The following ZDHHC20 variants were observed in gnomAD, a reference collection of about 807,000 sequenced individuals.
ZDHHC20 encodes the protein zDHHC palmitoyltransferase 20.
Under a neutral mutation model 57.8 loss-of-function variants are expected in ZDHHC20, and 43 were observed. The ratio of observed to expected loss-of-function variants is 0.74; its 90% CI spans 0.58 to 0.96. The LOEUF is 0.96. Ranked by LOEUF, ZDHHC20 falls within the 40% of genes least tolerant of loss-of-function variation. The pLI is 0.00. For synonymous variants in ZDHHC20, 157 were observed against 153.0 expected, an observed-to-expected ratio of 1.03 and a Z score of -0.19; for missense variants, 391 against 441.1, an observed-to-expected ratio of 0.89 and a Z score of 1.02.
rs942686260 is a variant in ZDHHC20, at chr13:21,372,733, A to G, written c.*3963T>C. ...AGGCTAGGATTATACAAATAAGAAC[A>G]AACACAAGGCTTATGGTACTTGTTA... On this transcript the variant is annotated 3_prime_UTR_variant, in exon 13 of 13. Coordinates refer to ENST00000400590, the MANE Select transcript of ZDHHC20 (RefSeq NM_001330059.2). 5 of 152,246 alleles carry G rather than the reference A, an allele frequency of 3.3e-5. No individual in the cohort carries two copies. The highest frequency in any genetic ancestry group is 4.4e-5 in the Non-Finnish European group (3 of 68,022). 9.4% of individuals were successfully genotyped at this position (152,246 alleles called of 1,614,324 possible). A position where few individuals can be genotyped will look rare whatever the true frequency, so the allele number is the denominator to read the frequency against.
chr13:21,441,559 T>C (rs1883171252), intron 1 of ZDHHC20, among the ~76,000 whole-genome samples: 1 of 130,084 alleles, frequency 7.7e-6, no homozygotes, highest in African/African-American at 2.8e-5. Context: ...CTTTTTTTTT[T>C]TTTTTTTTTT....
chr13:21,381,627 T>A lies in ZDHHC20; in HGVS notation c.945-78A>T, dbSNP rs147036900. On this transcript the variant is annotated intron_variant, in intron 10 of 12. Coordinates refer to ENST00000400590, the MANE Select transcript of ZDHHC20 (RefSeq NM_001330059.2). ...ACTTAATAAATTAATAAGCAGCAAA[T>A]TAGTATTCCTTCTCCTAAATATGTG... 110 of 941,496 alleles carry A rather than the reference T, an allele frequency of 1.2e-4. No individual in the cohort carries two copies. The East Asian group carries it at 2.8e-3, about 24-fold the overall frequency. The allele number at this position is 941,496 out of a possible 1,614,324, so 58.3% of individuals were successfully genotyped here. A position where few individuals can be genotyped will look rare whatever the true frequency, so the allele number is the denominator to read the frequency against.
At chr13:21,419,885 G>T (rs1472014352) in intron 3 of ZDHHC20, among the ~76,000 whole-genome samples, 1 of 152,170 alleles carries the variant, frequency 6.6e-6, no homozygotes, top group Non-Finnish European at 1.5e-5. Context: ...TAAACATATG[G>T]TCTATAATTT....
chr13:21,413,871 ATTT>A, intron 3 of ZDHHC20, 99 bp from the exon 4 acceptor site: 1 of 1,024,860 alleles, frequency 9.8e-7, no homozygotes, highest in Non-Finnish European at 1.4e-6. Context: ...ACCAAAAACT[ATTT>A]TATGAAGACA....
intron 1 of ZDHHC20, among the ~76,000 whole-genome samples, chr13:21,426,607 C>CTT (rs778269073): frequency 0.26 from 34,941 of 135,156 alleles, 4,995 homozygotes; most frequent in South Asian, 0.32. Flanking sequence ...TTCTCCTTTT[C>CTT]TTTTTTTTTT....
intron 1 of ZDHHC20, among the ~76,000 whole-genome samples, chr13:21,433,197 G>A (rs987692219): frequency 2.0e-5 from 3 of 152,150 alleles, no homozygotes; most frequent in East Asian, 3.8e-4. Context: ...CTGGGCTCAA[G>A]CAGTCTGTCT....
intron 5 of ZDHHC20, among the ~76,000 whole-genome samples, chr13:21,401,900 A>C (rs564413780): frequency 1.0e-3 from 159 of 152,326 alleles, no homozygotes; most frequent in Non-Finnish European, 2.1e-3. Context: ...AGCTGAACAT[A>C]TTCAGCTGCC....
Position 21,372,609 on chromosome 13 carries a change from T to C in ZDHHC20, c.*4087A>G, listed in dbSNP as rs1422254370. The C allele has an allele frequency of 6.6e-6, 1 of 152,170 alleles. No homozygotes were observed. Among genetic ancestry groups the C allele is most frequent in the African/African-American group, 2.4e-5 (1 of 41,442 alleles). 9.4% of individuals were successfully genotyped at this position (152,170 alleles called of 1,614,324 possible). A position where few individuals can be genotyped will look rare whatever the true frequency, so the allele number is the denominator to read the frequency against. ...CTTTGTTTATTAATAAAGTAATTCA[T>C]TATGACTTTTGAAAAAAAAAGTTTT... On this transcript the variant is annotated 3_prime_UTR_variant, in exon 13 of 13. Transcript: ENST00000400590.
chr13:21,434,393 T>C (rs1191885656), intron 1 of ZDHHC20, among the ~76,000 whole-genome samples: 7 of 152,214 alleles, frequency 4.6e-5, no homozygotes, highest in Non-Finnish European at 1.5e-5. Context: ...TCATATATTC[T>C]CTCTCCATTC....
chr13:21,379,368 A>G (rs897753674), intron 11 of ZDHHC20, among the ~76,000 whole-genome samples: 4 of 152,016 alleles, frequency 2.6e-5, no homozygotes, highest in Admixed American at 1.3e-4. Flanking sequence ...TGTAGCTTCA[A>G]TATCCCAGGC....
intron 5 of ZDHHC20, among the ~76,000 whole-genome samples, chr13:21,402,558 C>T (rs1877842669): frequency 6.6e-6 from 1 of 152,160 alleles, no homozygotes; most frequent in African/African-American, 2.4e-5. Flanking sequence ...CAAGCATAGA[C>T]AGCATAAAGT....
chr13:21,414,220 C>A (rs1454246977), intron 3 of ZDHHC20, among the ~76,000 whole-genome samples: 1 of 130,814 alleles, frequency 7.6e-6, no homozygotes, highest in Non-Finnish European at 1.6e-5. Flanking sequence ...TCATGAAGGC[C>A]AAGGAGTCTT....
At chr13:21,421,436 A>C (rs1880639121) in intron 2 of ZDHHC20, among the ~76,000 whole-genome samples, 1 of 152,222 alleles carries the variant, frequency 6.6e-6, no homozygotes, top group Non-Finnish European at 1.5e-5. Context: ...TGAAGATTTA[A>C]GCTAAAACAC....
At chr13:21,446,574 T>G (rs1447094878) in intron 1 of ZDHHC20, among the ~76,000 whole-genome samples, 1 of 152,210 alleles carries the variant, frequency 6.6e-6, no homozygotes, top group African/African-American at 2.4e-5. Context: ...AAAACCAAAT[T>G]TTTTTTAAAT....
chr13:21,399,111 G>A (rs766004079), intron 7 of ZDHHC20, among the ~76,000 whole-genome samples: 2 of 152,186 alleles, frequency 1.3e-5, no homozygotes, highest in African/African-American at 2.4e-5. Context: ...GGGAGGCCAA[G>A]GCGGGCAAAT....
chr13:21,445,720 T>C (rs962329027), intron 1 of ZDHHC20, among the ~76,000 whole-genome samples: 3 of 152,224 alleles, frequency 2.0e-5, no homozygotes, highest in African/African-American at 7.2e-5. Context: ...GAGAACATAT[T>C]ATACCAGACC....
At chr13:21,403,870 TAG>T (rs1025148506) in intron 4 of ZDHHC20, among the ~76,000 whole-genome samples, 1 of 152,068 alleles carries the variant, frequency 6.6e-6, no homozygotes, top group African/African-American at 2.4e-5. Context: ...GTATTTTTAG[TAG>T]AGACAGGGTT....
intron 1 of ZDHHC20, among the ~76,000 whole-genome samples, chr13:21,426,608 T>TTTTC (rs959897314): frequency 4.7e-5 from 3 of 63,286 alleles, no homozygotes; most frequent in African/African-American, 1.7e-4. Context: ...TCTCCTTTTC[T>TTTTC]TTTTTTTTTT....
intron 1 of ZDHHC20, among the ~76,000 whole-genome samples, chr13:21,449,336 A>G (rs1884213435): frequency 6.6e-6 from 1 of 152,220 alleles, no homozygotes; most frequent in African/African-American, 2.4e-5. Context: ...TACTAATAGC[A>G]GTCATCAGGC....
Sources: allele counts gnomAD v4.1 joint callset (sites outside exome capture counted in the v4.1 genomes callset), GRCh38; gene constraint gnomAD v4.1.1; transcripts MANE v1.5; gene names NCBI Gene and HGNC (gene_info 2026-07-23, HGNC 2026-07-21).